ATP9B: variants seen among roughly 807,000 people sequenced by gnomAD.
The protein encoded by ATP9B is ATPase phospholipid transporting 9B.
In ATP9B, 110 loss-of-function variants were observed where a neutral mutation model predicts 146.1. The ratio of observed to expected loss-of-function variants is 0.75; its 90% CI spans 0.65 to 0.88. The LOEUF is 0.88. ATP9B is among the 40% of genes least tolerant of loss of function. The pLI, the probability that ATP9B is intolerant of heterozygous loss-of-function variation, is 0.00. For missense variants in ATP9B, 1,499 were observed against 1,496.4 expected (o/e 1.00, Z -0.03); for synonymous variants, 604 against 569.7 (o/e 1.06, Z -0.86).
chr18:79,106,459 G>A (rs773878260), intron 2 of ATP9B, among the ~76,000 whole-genome samples: 1 of 152,098 alleles, frequency 6.6e-6, no homozygotes, highest in East Asian at 1.9e-4. Flanking sequence ...CATGGAAGTC[G>A]CCTGACTCCC....
chr18:79,327,739 G>A (rs1245623050), intron 15 of ATP9B, among the ~76,000 whole-genome samples: 9 of 141,550 alleles, frequency 6.4e-5, no homozygotes, highest in Admixed American at 1.4e-4. Context: ...CGTGGTTAGC[G>A]TGCTCTCCGT....
chr18:79,211,846 G>A (rs1288362026), intron 10 of ATP9B, among the ~76,000 whole-genome samples: 7 of 152,188 alleles, frequency 4.6e-5, no homozygotes, highest in Non-Finnish European at 8.8e-5. Context: ...CAGTTGGAGC[G>A]CGTTGTGAGG....
intron 18 of ATP9B, 91 bp from the exon 19 acceptor site, chr18:79,337,185 CCCT>C: frequency 6.8e-7 from 1 of 1,472,494 alleles, no homozygotes. Flanking sequence ...AGTCACCTCC[CCCT>C]CTGTCCCCAC....
intron 9 of ATP9B, 128 bp from the exon 10 acceptor site, chr18:79,206,809 G>A (rs952155008): frequency 1.4e-6 from 1 of 719,432 alleles, no homozygotes; most frequent in African/African-American, 1.8e-5. Flanking sequence ...CGTCTGTTTT[G>A]CAGTGCCTTT....
chr18:79,310,767 C>T (rs758390786), intron 15 of ATP9B, among the ~76,000 whole-genome samples: 1 of 151,828 alleles, frequency 6.6e-6, no homozygotes, highest in Non-Finnish European at 1.5e-5. Flanking sequence ...CTTGTCTGTA[C>T]ATCAGGCAGA....
intron 14 of ATP9B, 79 bp downstream of exon 14, chr18:79,303,795 C>A: frequency 1.0e-6 from 1 of 980,462 alleles, no homozygotes; most frequent in East Asian, 2.5e-5. Flanking sequence ...CGTGTGTTCC[C>A]ATCTGTAAAT....
chr18:79,171,319 C>T (rs2095066529), intron 7 of ATP9B, among the ~76,000 whole-genome samples: 1 of 152,034 alleles, frequency 6.6e-6, no homozygotes, highest in Non-Finnish European at 1.5e-5. Flanking sequence ...TGTTATGAAG[C>T]AATTCACTCG....
intron 13 of ATP9B, among the ~76,000 whole-genome samples, chr18:79,285,650 T>G (rs1463847608): frequency 6.6e-6 from 1 of 152,190 alleles, no homozygotes; most frequent in Non-Finnish European, 1.5e-5. Context: ...TTTTGGCTTT[T>G]GTTGCCATTG....
chr18:79,178,736 GTCTTT>G (rs1378816595), intron 8 of ATP9B, among the ~76,000 whole-genome samples: 2 of 152,062 alleles, frequency 1.3e-5, no homozygotes, highest in Non-Finnish European at 2.9e-5. Context: ...CATACTGCAT[GTCTTT>G]TTATTATGTC....
chr18:79,359,200 C>T (rs989128659), intron 25 of ATP9B, among the ~76,000 whole-genome samples, 154 bp from the exon 26 acceptor site: 1 of 152,066 alleles, frequency 6.6e-6, no homozygotes, highest in African/African-American at 2.4e-5. Flanking sequence ...ACTCAGTCTC[C>T]GCAATCATCT....
chr18:79,225,601 C>G (rs1418375261), intron 11 of ATP9B, among the ~76,000 whole-genome samples: 1 of 150,330 alleles, frequency 6.7e-6, no homozygotes, highest in Non-Finnish European at 1.5e-5. Context: ...CCCGCAGTCG[C>G]AGGGCGGCCA....
At position 79,253,365 on chromosome 18, in the gene ATP9B, T is replaced by G; in HGVS notation, c.1108-16T>G. On this transcript the variant is annotated splice_polypyrimidine_tract_variant and intron_variant, in intron 11 of 29. Coordinates refer to ENST00000426216, the MANE Select transcript of ATP9B (RefSeq NM_198531.5). ...TTGTGGTTAGCTTGTTCATGTATTATGTGTTTTTCTTTCAGGTTGGTTTGT... is the reference window on the plus strand; with the variant it reads ...TTGTGGTTAGCTTGTTCATGTATTAGGTGTTTTTCTTTCAGGTTGGTTTGT... 1 of 1,603,918 alleles carries G rather than the reference T, an allele frequency of 6.2e-7. No individual in the cohort carries two copies. Among genetic ancestry groups the G allele is most frequent in the Non-Finnish European group, 8.5e-7 (1 of 1,176,880 alleles).
At position 79,342,131 on chromosome 18, in the gene ATP9B, C is replaced by T; in HGVS notation, c.2284-137C>T. 6.1e-6 allele frequency: 4 copies of T among 656,166 alleles called. No individual in the cohort carries two copies. The South Asian group carries it at 6.9e-5, about 11-fold the overall frequency. The allele number at this position is 656,166 out of a possible 1,614,324, so 40.6% of individuals were successfully genotyped here. On this transcript the variant is annotated intron_variant, in intron 19 of 29. Transcript: ENST00000426216. ...ATAATACTCCATTGTATGTATGGAA[C>T]ACATTTTGCTCATTCATTTATCTAT...
intron 5 of ATP9B, among the ~76,000 whole-genome samples, chr18:79,138,397 A>G (rs2094472602): frequency 6.6e-6 from 1 of 152,158 alleles, no homozygotes; most frequent in Non-Finnish European, 1.5e-5. Flanking sequence ...TGCAAGCAGA[A>G]TGGAGAGGAA....
chr18:79,349,318 C>T (rs2096909299), intron 25 of ATP9B, among the ~76,000 whole-genome samples: 1 of 148,620 alleles, frequency 6.7e-6, no homozygotes, highest in Admixed American at 6.8e-5. Context: ...CAGCCACTGG[C>T]TTCGATGCTC....
intron 15 of ATP9B, among the ~76,000 whole-genome samples, chr18:79,311,882 C>T (rs906510593): frequency 2.0e-5 from 3 of 152,276 alleles, no homozygotes; most frequent in South Asian, 2.1e-4. Context: ...TCACCATCAC[C>T]GGAGCTTCTG....
At chr18:79,374,934 A>ACTCACCACGACTTTGAGC (rs2097094635) in intron 28 of ATP9B, among the ~76,000 whole-genome samples, 2 of 152,204 alleles carry the variant, frequency 1.3e-5, no homozygotes, top group Non-Finnish European at 2.9e-5. Flanking sequence ...CGTGGGCAGG[A>ACTCACCACGACTTTGAGC]CTCACCACGA....
At chr18:79,085,753 G>GGCCCT (rs1374324186) in intron 1 of ATP9B, 1 of 152,094 alleles carries the variant, frequency 6.6e-6, no homozygotes, top group African/African-American at 2.4e-5. Flanking sequence ...TGTGACTATT[G>GGCCCT]GCCCTGCCCA....
chr18:79,362,420 G>A (rs367746737), intron 26 of ATP9B: 5 of 152,244 alleles, frequency 3.3e-5, no homozygotes, highest in Admixed American at 1.3e-4. Context: ...GATTTCCTTC[G>A]CTTTCCTAAA....
Sources: allele counts gnomAD v4.1 joint callset (sites outside exome capture counted in the v4.1 genomes callset), GRCh38; gene constraint gnomAD v4.1.1; transcripts MANE v1.5; gene names NCBI Gene and HGNC (gene_info 2026-07-23, HGNC 2026-07-21).